The following APPBP2 variants were observed in gnomAD, a reference collection of about 807,000 sequenced individuals.
The protein encoded by APPBP2 is amyloid protein-binding protein 2.
In APPBP2, 15 loss-of-function variants were observed where a neutral mutation model predicts 76.0. That is an observed-to-expected ratio of 0.20 (90% confidence interval 0.13 to 0.30). APPBP2 has a LOEUF of 0.30. Among genes scored for constraint, APPBP2 ranks in the 10% least tolerant of loss-of-function variants. The pLI, the probability that APPBP2 is intolerant of heterozygous loss-of-function variation, is 1.00. For missense variants in APPBP2, 401 were observed against 687.2 expected (o/e 0.58, Z 4.66); for synonymous variants, 222 against 242.2 (o/e 0.92, Z 0.77).
intron 2 of APPBP2, among the ~76,000 whole-genome samples, chr17:60,496,997 A>G (rs2090780936): frequency 6.6e-6 from 1 of 152,236 alleles, no homozygotes; most frequent in Non-Finnish European, 1.5e-5. Context: ...CTGGGATTAC[A>G]GGTGTGAGCC....
In APPBP2 at chr17:60,452,064, A is replaced by C. The variant is rs1428626106; in HGVS notation, c.1339-19T>G. 8 of 1,608,426 alleles carry C rather than the reference A, an allele frequency of 5.0e-6. No homozygotes were observed. The highest frequency in any genetic ancestry group is 6.8e-6 in the Non-Finnish European group (8 of 1,178,360). The stretch of plus-strand genomic sequence containing the variant: ...CAGCTTCCTGAAAAACAATTATGCC[A>C]TATCAATCATTATACTTTTTCTCAT... On this transcript the variant is annotated intron_variant, in intron 11 of 12. Transcript: ENST00000083182.
intron 1 of APPBP2, among the ~76,000 whole-genome samples, chr17:60,523,640 G>T (rs2091027884): frequency 6.6e-6 from 1 of 152,142 alleles, no homozygotes; most frequent in Admixed American, 6.5e-5. Flanking sequence ...ACCAGCTTGG[G>T]CAAAACAGCG....
rs2091051689 is a variant in APPBP2, at chr17:60,526,005, T to C, written c.-74A>G. 11 of 1,436,546 alleles carry C rather than the reference T, an allele frequency of 7.7e-6. No homozygotes were observed. In the South Asian group the frequency reaches 1.2e-4, roughly 15 times the overall value. The allele number at this position is 1,436,546 out of a possible 1,614,324, so 89.0% of individuals were successfully genotyped here. On this transcript the variant is annotated 5_prime_UTR_variant, in exon 1 of 13. Transcript: ENST00000083182. The stretch of plus-strand genomic sequence containing the variant: ...CCCACCTCCCTCCGTAGCGAACCCC[T>C]CTGCGGCCCCGGAGGATTCGGAGGG...
chr17:60,509,694 C>CG (rs1203042644), intron 1 of APPBP2, among the ~76,000 whole-genome samples: 3 of 152,066 alleles, frequency 2.0e-5, no homozygotes, highest in Middle Eastern at 3.4e-3. Flanking sequence ...CGCAGCTACC[C>CG]GGGGGGCTGA....
At chr17:60,472,541 TTCTG>T (rs1169127535) in intron 4 of APPBP2, among the ~76,000 whole-genome samples, 1 of 152,242 alleles carries the variant, frequency 6.6e-6, no homozygotes, top group Non-Finnish European at 1.5e-5. Context: ...TATTTGAGTC[TTCTG>T]TCTTTTTCTT....
At chr17:60,499,285 G>A (rs148370300) in intron 2 of APPBP2, among the ~76,000 whole-genome samples, 3 of 150,958 alleles carry the variant, frequency 2.0e-5, no homozygotes, top group East Asian at 1.9e-4. Flanking sequence ...AGTGAGCTAC[G>A]AACATGCCAC....
Position 60,445,010 on chromosome 17 carries a change from A to G in APPBP2, c.*2571T>C, listed in dbSNP as rs1213073648. The G allele has an allele frequency of 6.6e-6, 1 of 152,202 alleles. No individual in the cohort carries two copies. Among genetic ancestry groups the G allele is most frequent in the Non-Finnish European group, 1.5e-5 (1 of 68,030 alleles). The allele number at this position is 152,202 out of a possible 1,614,324, so 9.4% of individuals were successfully genotyped here. A position where few individuals can be genotyped will look rare whatever the true frequency, so the allele number is the denominator to read the frequency against. ...TTCTTCAAGATTTTTAAGAAACCCA[A>G]TAAATCATAGTGGCACACATCTAAC... On this transcript the variant is annotated 3_prime_UTR_variant, in exon 13 of 13. Coordinates refer to ENST00000083182, the MANE Select transcript of APPBP2 (RefSeq NM_006380.5).
Position 60,443,538 on chromosome 17 carries a change from T to C in APPBP2, c.*4043A>G, listed in dbSNP as rs1283596058. 2 of 152,650 alleles carry C rather than the reference T, an allele frequency of 1.3e-5. No individual in the cohort carries two copies. The allele number at this position is 152,650 out of a possible 1,614,324, so 9.5% of individuals were successfully genotyped here. A position where few individuals can be genotyped will look rare whatever the true frequency, so the allele number is the denominator to read the frequency against. On this transcript the variant is annotated 3_prime_UTR_variant, in exon 13 of 13. Transcript: ENST00000083182. The stretch of plus-strand genomic sequence containing the variant: ...TGACCTGGTAATATTTAATAAAACG[T>C]AGCATTCATTCACATCATAAAAGTA...
At chr17:60,511,166 T>C (rs974925956) in intron 1 of APPBP2, among the ~76,000 whole-genome samples, 2 of 152,186 alleles carry the variant, frequency 1.3e-5, no homozygotes, top group African/African-American at 4.8e-5. Flanking sequence ...CATAACACAA[T>C]ATATACCAGC....
At chr17:60,476,232 G>A (rs2090590141) in intron 4 of APPBP2, among the ~76,000 whole-genome samples, 1 of 152,156 alleles carries the variant, frequency 6.6e-6, no homozygotes, top group South Asian at 2.1e-4. Flanking sequence ...GGCTAGGAAG[G>A]TTCTCTGACC....
At chr17:60,513,195 A>C (rs17592831) in intron 1 of APPBP2, 21,609 of 367,872 alleles carry the variant, frequency 0.059, 788 homozygotes, top group East Asian at 0.085. Flanking sequence ...ACAGCAGTGC[A>C]AGCGGCCAAG....
chr17:60,511,591 A>T (rs1006116896), intron 1 of APPBP2, among the ~76,000 whole-genome samples: 1 of 151,820 alleles, frequency 6.6e-6, no homozygotes, highest in African/African-American at 2.4e-5. Flanking sequence ...TGAAAAAAAA[A>T]AAAAAGAAAA....
At chr17:60,490,283 TATA>T (rs2143417866) in intron 3 of APPBP2, among the ~76,000 whole-genome samples, 1 of 152,312 alleles carries the variant, frequency 6.6e-6, no homozygotes, top group Admixed American at 6.5e-5. Flanking sequence ...CCTACAGTTA[TATA>T]ATATGTGACC....
intron 1 of APPBP2, among the ~76,000 whole-genome samples, chr17:60,521,423 G>A (rs2091008947): frequency 6.6e-6 from 1 of 152,136 alleles, no homozygotes; most frequent in Admixed American, 6.5e-5. Flanking sequence ...TGACTTACCA[G>A]AGCAACTTCC....
intron 1 of APPBP2, among the ~76,000 whole-genome samples, chr17:60,506,515 A>G (rs1305543866): frequency 6.6e-6 from 1 of 152,180 alleles, no homozygotes; most frequent in East Asian, 1.9e-4. Context: ...TCTTCCCCTG[A>G]CTCAGCAATC....
intron 6 of APPBP2, among the ~76,000 whole-genome samples, 172 bp downstream of exon 6, chr17:60,463,849 T>C (rs2090492251): frequency 6.6e-6 from 1 of 152,244 alleles, no homozygotes; most frequent in Admixed American, 6.5e-5. Context: ...CTATGTGTGA[T>C]ATAGTTTTAG....
chr17:60,514,607 GGTT>G (rs1265391940), intron 1 of APPBP2, among the ~76,000 whole-genome samples: 1 of 152,126 alleles, frequency 6.6e-6, no homozygotes, highest in East Asian at 1.9e-4. Flanking sequence ...ATTAGCATAT[GGTT>G]GTTTTCAATT....
chr17:60,501,793 T>G (rs2090825620), intron 1 of APPBP2, among the ~76,000 whole-genome samples: 1 of 152,180 alleles, frequency 6.6e-6, no homozygotes, highest in South Asian at 2.1e-4. Context: ...GCCAGTTTAC[T>G]TGGTGCATGG....
chr17:60,525,743 CG>C lies in APPBP2; in HGVS notation c.138+50del. The C allele has an allele frequency of 2.5e-6, 4 of 1,607,596 alleles. No homozygotes were observed. In the Admixed American group the frequency reaches 6.7e-5, roughly 27 times the overall value. ...GGGTTCGCAGACGTGGAAGGGGGTG[CG>C]GCCCCCGGGGTTGCTGGAGGAGAGC... On this transcript the variant is annotated intron_variant, in intron 1 of 12. Transcript: ENST00000083182.
Sources: gnomAD v4.1 joint callset for allele counts (sites outside exome capture counted in the v4.1 genomes callset) on GRCh38, gnomAD v4.1.1 for gene constraint, MANE v1.5 for transcripts, NCBI Gene and HGNC (gene_info 2026-07-23, HGNC 2026-07-21) for gene names.